The following PDE1C variants were observed in gnomAD, a reference collection of about 807,000 sequenced individuals.
The protein encoded by PDE1C is dual specificity calcium/calmodulin-dependent 3',5'-cyclic nucleotide phosphodiesterase 1C.
A neutral mutation model predicts 93.1 loss-of-function variants in PDE1C; 62 were observed. That is an observed-to-expected ratio of 0.67 (90% CI 0.54 to 0.82). PDE1C has a LOEUF of 0.82. PDE1C is among the 40% of genes least tolerant of loss of function. The probability of loss-of-function intolerance (pLI) is 0.00; values close to 1 mark genes in which losing one functional copy is unlikely to be tolerated. For missense variants in PDE1C, 742 were observed against 884.6 expected (o/e 0.84, Z 2.04); for synonymous variants, 325 against 310.1 (o/e 1.05, Z -0.50).
At chr7:32,052,637 T>C (rs1202986290) in intron 1 of PDE1C, among the ~76,000 whole-genome samples, 3 of 152,170 alleles carry the variant, frequency 2.0e-5, no homozygotes, top group Admixed American at 2.0e-4. Context: ...AGCAAACCAC[T>C]GGTTTGCTAA....
At chr7:31,651,146 C>A in the PDE1C span, 125 of 1,612,572 alleles carry the variant, frequency 7.8e-5, no homozygotes, top group Admixed American at 5.0e-4. Context: ...TCTCAGTGCA[C>A]AGTCCATGAG....
chr7:32,040,830 TCTC>T (rs1022243602), intron 2 of PDE1C, among the ~76,000 whole-genome samples: 2 of 152,070 alleles, frequency 1.3e-5, no homozygotes, highest in African/African-American at 4.8e-5. Context: ...CGTAGCTTGA[TCTC>T]CTGCCCCACC....
chr7:31,962,651 A>C (rs1328024317), intron 2 of PDE1C, among the ~76,000 whole-genome samples: 2 of 152,232 alleles, frequency 1.3e-5, no homozygotes, highest in East Asian at 3.9e-4. Context: ...GGTTATTTTC[A>C]GTAAGTCATA....
At chr7:31,912,358 A>G (rs1480924960) in intron 2 of PDE1C, among the ~76,000 whole-genome samples, 1 of 152,062 alleles carries the variant, frequency 6.6e-6, no homozygotes, top group Non-Finnish European at 1.5e-5. Context: ...ACTTTGGGAG[A>G]GGAAGTACTA....
intron 6 of PDE1C, among the ~76,000 whole-genome samples, chr7:31,871,875 A>C (rs915657703): frequency 1.3e-5 from 2 of 151,968 alleles, no homozygotes; most frequent in Non-Finnish European, 2.9e-5. Context: ...TTTATTAAAA[A>C]AGAAAGAAAG....
chr7:32,085,431 G>A (rs975520932), intron 3 of PDE1C, among the ~76,000 whole-genome samples: 4 of 148,056 alleles, frequency 2.7e-5, no homozygotes, highest in African/African-American at 1.0e-4. Context: ...GGTACAAGGA[G>A]GAACTGGTAC....
the PDE1C span, among the ~76,000 whole-genome samples, chr7:31,732,895 A>G: frequency 6.6e-6 from 1 of 152,148 alleles, no homozygotes; most frequent in Admixed American, 6.5e-5. Context: ...AGGTGAATGA[A>G]AAAAGTGATT....
chr7:32,208,373 T>C (rs1805760536), intron 2 of PDE1C, among the ~76,000 whole-genome samples: 2 of 152,096 alleles, frequency 1.3e-5, no homozygotes, highest in African/African-American at 4.8e-5. Context: ...AGTTCCTCCC[T>C]GGCCACAATT....
chr7:32,139,300 CTT>C (rs34277412), intron 3 of PDE1C, among the ~76,000 whole-genome samples: 2,427 of 82,976 alleles, frequency 0.029, 41 homozygotes, highest in African/African-American at 0.11. Context: ...CAAAATCAAC[CTT>C]TTTTTTTTTT....
At chr7:32,265,576 A>G (rs1324675584) in intron 1 of PDE1C, among the ~76,000 whole-genome samples, 1 of 152,228 alleles carries the variant, frequency 6.6e-6, no homozygotes, top group Non-Finnish European at 1.5e-5. Context: ...CGTTGAGGGC[A>G]TAATTTGAGC....
At chr7:32,296,800 C>T (rs903043262) in intron 1 of PDE1C, among the ~76,000 whole-genome samples, 1 of 152,210 alleles carries the variant, frequency 6.6e-6, no homozygotes, top group African/African-American at 2.4e-5. Flanking sequence ...TAATGAAATA[C>T]TTTTGACTTT....
intron 16 of PDE1C, chr7:31,783,685 C>A (rs1180300340): frequency 6.6e-6 from 1 of 151,962 alleles, no homozygotes; most frequent in Non-Finnish European, 1.5e-5. Context: ...CTGAGAACAG[C>A]TCAGTATACT....
chr7:32,295,818 C>T (rs1205786396), intron 1 of PDE1C, among the ~76,000 whole-genome samples: 8 of 143,546 alleles, frequency 5.6e-5, no homozygotes, highest in East Asian at 4.3e-4. Context: ...GGTGTGAACG[C>T]GGGAGGCGGA....
chr7:31,885,204 G>A (rs1797723583), intron 2 of PDE1C, among the ~76,000 whole-genome samples: 1 of 152,114 alleles, frequency 6.6e-6, no homozygotes, highest in Non-Finnish European at 1.5e-5. Context: ...AAGGAAGGAA[G>A]ATAAAGAAGT....
the PDE1C span, among the ~76,000 whole-genome samples, chr7:31,650,635 C>T: frequency 6.6e-6 from 1 of 152,130 alleles, no homozygotes; most frequent in Non-Finnish European, 1.5e-5. Context: ...CAGATTCCAA[C>T]CTCCAGGACT....
At chr7:31,664,874 C>T in the PDE1C span, among the ~76,000 whole-genome samples, 1 of 152,172 alleles carries the variant, frequency 6.6e-6, no homozygotes, top group African/African-American at 2.4e-5. Context: ...TTAACTCATT[C>T]TTTCCTTTAT....
At chr7:31,621,575 C>T in the PDE1C span, among the ~76,000 whole-genome samples, 1 of 147,506 alleles carries the variant, frequency 6.8e-6, no homozygotes, top group Admixed American at 6.8e-5. Context: ...TTGTCACCAC[C>T]AGGCCTGCCC....
the PDE1C span, among the ~76,000 whole-genome samples, chr7:31,640,850 G>C: frequency 2.0e-5 from 3 of 152,086 alleles, no homozygotes; most frequent in South Asian, 6.2e-4. Flanking sequence ...TTTGCTCAAA[G>C]TTTCTCAATC....
intron 3 of PDE1C, among the ~76,000 whole-genome samples, chr7:32,147,787 T>C (rs1404992768): frequency 6.6e-6 from 1 of 151,734 alleles, no homozygotes; most frequent in Non-Finnish European, 1.5e-5. Flanking sequence ...TCCTGCAGGA[T>C]ACCTGGGCAG....
Sources: gnomAD v4.1 joint callset for allele counts (sites outside exome capture counted in the v4.1 genomes callset) on GRCh38, gnomAD v4.1.1 for gene constraint, MANE v1.5 for transcripts, NCBI Gene and HGNC (gene_info 2026-07-23, HGNC 2026-07-21) for gene names.